The following CDH22 variants were observed in gnomAD, a reference collection of about 807,000 sequenced individuals.
CDH22 encodes the protein cadherin-22.
In CDH22, 30 loss-of-function variants were observed where a neutral mutation model predicts 58.4. That is an observed-to-expected ratio of 0.51 (90% CI 0.38 to 0.70). CDH22 has a LOEUF of 0.70. Ranked by LOEUF, CDH22 falls within the 30% of genes least tolerant of loss-of-function variation. The pLI is 0.00. For missense variants in CDH22, 1,014 were observed against 1,233.9 expected, an observed-to-expected ratio of 0.82 and a Z score of 2.67; for synonymous variants, 513 against 558.2, an observed-to-expected ratio of 0.92 and a Z score of 1.14.
intron 1 of CDH22, among the ~76,000 whole-genome samples, chr20:46,268,314 G>A (rs1285076675): frequency 2.0e-5 from 3 of 152,254 alleles, no homozygotes; most frequent in Non-Finnish European, 4.4e-5. Context: ...GATCACAGCA[G>A]GATCAGTGCC....
chr20:46,173,839 G>C lies in CDH22; in HGVS notation c.*667C>G, dbSNP rs1400372139. The C allele has an allele frequency of 1.3e-5, 2 of 152,358 alleles. No individual in the cohort carries two copies. Among genetic ancestry groups the C allele is most frequent in the Non-Finnish European group, 2.9e-5 (2 of 68,152 alleles). The allele number at this position is 152,358 out of a possible 1,614,324, so 9.4% of individuals were successfully genotyped here. A position where few individuals can be genotyped will look rare whatever the true frequency, so the allele number is the denominator to read the frequency against. ...CCTTTTTAGCCTCACAACTCTTCGA[G>C]GTAGGTTCTGTTATTAACCCCATTT... On this transcript the variant is annotated 3_prime_UTR_variant, in exon 12 of 12. Coordinates refer to ENST00000537909, the MANE Select transcript of CDH22 (RefSeq NM_021248.3).
intron 3 of CDH22, among the ~76,000 whole-genome samples, chr20:46,229,288 G>GC (rs1181899386): frequency 2.1e-4 from 25 of 117,900 alleles, no homozygotes; most frequent in African/African-American, 9.8e-4. Flanking sequence ...GATGCAGAGT[G>GC]GCCCCCCCCC....
rs1291237227 is a variant in CDH22, at chr20:46,174,533, G to C, written c.2460C>G (p.Arg820=). ...AGGAGGCCTGGGCCTCGTCGTCCCC[G>C]CGGTGGCCGGCGTAGAGCGCGGCCA... The part of the protein sequence containing the change: ...RPLAALYAGH[R]GDDEAQAS Residue 820 remains arginine, a synonymous_variant, in exon 12 of 12, where the codon CGC becomes CGG. Coordinates refer to ENST00000537909, the MANE Select transcript of CDH22 (RefSeq NM_021248.3). The surrounding 1 kb of genome is among the most constrained non-coding windows in gnomAD (Gnocchi z 4.4). 2 of 1,517,994 alleles carry C rather than the reference G, an allele frequency of 1.3e-6. No homozygotes were observed. Among genetic ancestry groups the C allele is most frequent in the Non-Finnish European group, 8.8e-7 (1 of 1,139,250 alleles). The allele number at this position is 1,517,994 out of a possible 1,614,324, so 94.0% of individuals were successfully genotyped here.
chr20:46,194,527 C>T (rs990028187), intron 8 of CDH22, among the ~76,000 whole-genome samples: 1 of 152,154 alleles, frequency 6.6e-6, no homozygotes, highest in South Asian at 2.1e-4. Flanking sequence ...AGGGCTGGAG[C>T]CCATCATCTC....
intron 8 of CDH22, among the ~76,000 whole-genome samples, chr20:46,198,884 C>T (rs541466409): frequency 6.6e-6 from 1 of 152,130 alleles, no homozygotes; most frequent in Admixed American, 6.5e-5. Context: ...TTCCTCATCT[C>T]TTAGATGTTC....
intron 4 of CDH22, 100 bp downstream of exon 4, chr20:46,227,407 TG>T: frequency 8.5e-7 from 1 of 1,183,164 alleles, no homozygotes; most frequent in Non-Finnish European, 1.2e-6. Context: ...TCAGAGCTTC[TG>T]GGACAGAAGG....
chr20:46,300,553 A>G lies in CDH22; in HGVS notation c.-400+7702T>C, dbSNP rs555150085. Among the ~76,000 whole-genome samples, 23 of 151,692 alleles carry G rather than the reference A, an allele frequency of 1.5e-4. No individual in the cohort carries two copies. The highest frequency in any genetic ancestry group is 5.6e-4 in the African/African-American group (23 of 41,340). ...TCCACCTCCCCAGCTCCCCTCCCCT[A>G]CTCTGCAAGCACTACGGTGACAACA... On this transcript the variant is annotated intron_variant, in intron 1 of 11. Transcript: ENST00000537909. The surrounding 1 kb of genome is among the most constrained non-coding windows in gnomAD (Gnocchi z 4.4).
At chr20:46,195,729 T>C (rs999337972) in intron 8 of CDH22, among the ~76,000 whole-genome samples, 1 of 151,980 alleles carries the variant, frequency 6.6e-6, no homozygotes, top group African/African-American at 2.4e-5. Flanking sequence ...TATTTCATGA[T>C]TACAAAACGT....
rs2086035676 is a variant in CDH22, at chr20:46,210,557, G to A, written c.1036C>T (p.Leu346=). Residue 346 remains leucine, a synonymous_variant, in exon 7 of 12, where the codon CTG becomes TTG. Coordinates refer to ENST00000537909, the MANE Select transcript of CDH22 (RefSeq NM_021248.3). The surrounding 1 kb of genome is among the most constrained non-coding windows in gnomAD (Gnocchi z 4.5). The part of the protein sequence containing the change: ...QEAIIVVQKR[L]DFESQPVHTV... ...TGCACGGGCTGGGATTCGAAGTCCA[G>A]GCGCTGCGGGAGGGAGCAGAGGGCC... 10 of 1,427,156 alleles carry A rather than the reference G, an allele frequency of 7.0e-6. No individual in the cohort carries two copies. Among genetic ancestry groups the A allele is most frequent in the Non-Finnish European group, 9.2e-6 (10 of 1,087,174 alleles). 88.4% of individuals were successfully genotyped at this position (1,427,156 alleles called of 1,614,324 possible).
intron 1 of CDH22, among the ~76,000 whole-genome samples, chr20:46,256,717 C>T (rs2868715): frequency 0.53 from 80,932 of 151,920 alleles, 21,643 homozygotes; most frequent in South Asian, 0.59. Flanking sequence ...AAGATCATTC[C>T]GGGCTGGGTG....
chr20:46,178,905 C>T (rs1014449259), intron 10 of CDH22, among the ~76,000 whole-genome samples: 1 of 152,260 alleles, frequency 6.6e-6, no homozygotes, highest in South Asian at 2.1e-4. Context: ...GGCCCTGGAG[C>T]ATTGAGGCCT....
intron 1 of CDH22, among the ~76,000 whole-genome samples, chr20:46,305,798 A>G (rs1326736018): frequency 6.6e-6 from 1 of 152,234 alleles, no homozygotes; most frequent in Non-Finnish European, 1.5e-5. Context: ...CCAACTCGGG[A>G]GGAGACGGGC....
chr20:46,244,476 C>T (rs902389704), intron 2 of CDH22, among the ~76,000 whole-genome samples: 2 of 152,206 alleles, frequency 1.3e-5, no homozygotes, highest in South Asian at 2.1e-4. Context: ...CTCTCAGCTG[C>T]GAGTGGAGGC....
chr20:46,205,550 C>T (rs1390125629), intron 7 of CDH22, among the ~76,000 whole-genome samples: 1 of 152,144 alleles, frequency 6.6e-6, no homozygotes, highest in Non-Finnish European at 1.5e-5. Context: ...GAAGTGTTCG[C>T]TTCCTCTGCT....
chr20:46,236,017 A>G (rs914039861), intron 3 of CDH22, among the ~76,000 whole-genome samples: 10 of 151,982 alleles, frequency 6.6e-5, no homozygotes, highest in African/African-American at 2.4e-4. Flanking sequence ...CCACTCACTC[A>G]CTTCTCTTCA....
At chr20:46,222,473 T>A (rs2086134081) in intron 4 of CDH22, among the ~76,000 whole-genome samples, 1 of 152,224 alleles carries the variant, frequency 6.6e-6, no homozygotes, top group African/African-American at 2.4e-5. Context: ...CAAATGTTAG[T>A]TTCATTCCCT....
chr20:46,285,304 G>A (rs2086571263), intron 1 of CDH22, among the ~76,000 whole-genome samples: 1 of 152,158 alleles, frequency 6.6e-6, no homozygotes, highest in East Asian at 1.9e-4. Flanking sequence ...CACAGGCCAA[G>A]TCTCCCCCAC....
chr20:46,250,943 T>G, intron 2 of CDH22, 97 bp downstream of exon 2: 2 of 759,230 alleles, frequency 2.6e-6, no homozygotes, highest in Non-Finnish European at 4.5e-6. Flanking sequence ...ACATGAAACA[T>G]GGATTTAAAA....
At chr20:46,200,104 G>C (rs932874102) in intron 7 of CDH22, among the ~76,000 whole-genome samples, 1 of 152,034 alleles carries the variant, frequency 6.6e-6, no homozygotes, top group African/African-American at 2.4e-5. Flanking sequence ...CTCCCGAGTA[G>C]CTGGGACTAC....
Sources: allele counts gnomAD v4.1 joint callset (sites outside exome capture counted in the v4.1 genomes callset), GRCh38; gene constraint gnomAD v4.1.1; non-coding constraint Gnocchi (gnomAD v3.1); transcripts MANE v1.5; gene names NCBI Gene and HGNC (gene_info 2026-07-23, HGNC 2026-07-21).